AFAP1: variants seen among roughly 807,000 people sequenced by gnomAD.
The protein encoded by AFAP1 is actin filament associated protein 1, also known as actin filament-associated protein 1.
In AFAP1, 75 loss-of-function variants were observed where a neutral mutation model predicts 93.9. The observed-to-expected ratio is 0.80, with a 90% CI of 0.66 to 0.97. The LOEUF is 0.97. Among genes scored for constraint, AFAP1 ranks in the 50% least tolerant of loss-of-function variants. AFAP1 has a pLI of 0.00. For missense variants in AFAP1, 1,201 were observed against 1,050.8 expected, an observed-to-expected ratio of 1.14 and a Z score of -1.98; for synonymous variants, 517 against 430.7, an observed-to-expected ratio of 1.20 and a Z score of -2.48.
rs1309016444 is a variant in AFAP1, at chr4:7,793,619, C to G, written c.1412+62G>C. ...ATCCTCACACAAAAACTAAGTTAAGCTAAGTTAGGGAAAAGACAGTTACTG... is the reference window on the plus strand; with the variant it reads ...ATCCTCACACAAAAACTAAGTTAAGGTAAGTTAGGGAAAAGACAGTTACTG... On this transcript the variant is annotated intron_variant, in intron 11 of 17. Coordinates refer to ENST00000420658, the MANE Select transcript of AFAP1 (RefSeq NM_001134647.2). 135 of 1,397,604 alleles carry G rather than the reference C, an allele frequency of 9.7e-5. No homozygotes were observed. In the East Asian group the frequency reaches 3.3e-3, roughly 35 times the overall value. 86.6% of individuals were successfully genotyped at this position (1,397,604 alleles called of 1,614,324 possible).
At chr4:7,795,979 G>C (rs764346676) in intron 10 of AFAP1, among the ~76,000 whole-genome samples, 4 of 152,068 alleles carry the variant, frequency 2.6e-5, no homozygotes, top group Admixed American at 6.5e-5. Flanking sequence ...AGACGTGTGT[G>C]GGTGCATATA....
At chr4:7,775,604 A>G (rs2148969209) in intron 14 of AFAP1, 1 of 152,260 alleles carries the variant, frequency 6.6e-6, no homozygotes, top group South Asian at 2.1e-4. Flanking sequence ...AGTGTGGCAC[A>G]ATAAATGCTT....
chr4:7,893,284 A>C (rs1467632344), intron 1 of AFAP1, among the ~76,000 whole-genome samples: 1 of 152,212 alleles, frequency 6.6e-6, no homozygotes, highest in Non-Finnish European at 1.5e-5. Flanking sequence ...TTTTAACGTA[A>C]AAAAGCTAAG....
chr4:7,826,159 T>G (rs998787683), intron 6 of AFAP1, among the ~76,000 whole-genome samples: 2 of 152,244 alleles, frequency 1.3e-5, no homozygotes, highest in Non-Finnish European at 2.9e-5. Flanking sequence ...GTTCTCACTG[T>G]GTGGGCTGGC....
rs535152611 is a variant in AFAP1 at position 7,909,801 on chromosome 4, C to G, written c.-3+29855G>C. Among the ~76,000 whole-genome samples the G allele has an allele frequency of 6.6e-5, 10 of 152,276 alleles. No homozygotes were observed. The South Asian group carries it at 1.2e-3, about 19-fold the overall frequency. On this transcript the variant is annotated intron_variant, in intron 1 of 17. Coordinates refer to ENST00000420658, the MANE Select transcript of AFAP1 (RefSeq NM_001134647.2). Reference sequence around the variant, plus strand: ...TGCCCAGGCTCCATTCCTGCAGATTCTATTTCAACTGGTCTGGAGTCAGCA... The same window carrying G: ...TGCCCAGGCTCCATTCCTGCAGATTGTATTTCAACTGGTCTGGAGTCAGCA...
chr4:7,802,243 G>A (rs1719115099), intron 9 of AFAP1, among the ~76,000 whole-genome samples: 1 of 149,732 alleles, frequency 6.7e-6, no homozygotes, highest in Non-Finnish European at 1.5e-5. Context: ...CTGGGGTGTG[G>A]GCTGATGTTG....
chr4:7,807,689 AC>A, intron 9 of AFAP1, among the ~76,000 whole-genome samples: 1 of 152,194 alleles, frequency 6.6e-6, no homozygotes. Flanking sequence ...TCCTTCAACC[AC>A]ATGACGCCTT....
rs115714415 is a variant in AFAP1 at position 7,784,734 on chromosome 4, C to G, written c.1530+1460G>C. Reference sequence around the variant, plus strand: ...CGTGGCTCCTGAGGGATGGGCCACCCACTTCCGACCCCGGCCACTAGAACC... The same window carrying G: ...CGTGGCTCCTGAGGGATGGGCCACCGACTTCCGACCCCGGCCACTAGAACC... On this transcript the variant is annotated intron_variant, in intron 12 of 17. Coordinates refer to ENST00000420658, the MANE Select transcript of AFAP1 (RefSeq NM_001134647.2). 1.1e-3 allele frequency among the ~76,000 whole-genome samples: 162 copies of G among 152,246 alleles called. 3 individuals carry two copies. The highest frequency in any genetic ancestry group is 3.7e-3 in the African/African-American group (154 of 41,550).
In AFAP1 at chr4:7,887,930, G is replaced by A. The variant is rs79470266; in HGVS notation, c.-2-15850C>T. Among the ~76,000 whole-genome samples the A allele has an allele frequency of 5.3e-5, 8 of 151,962 alleles. No homozygotes were observed. In the South Asian group the frequency reaches 1.0e-3, roughly 20 times the overall value. On this transcript the variant is annotated intron_variant, in intron 1 of 17. Coordinates refer to ENST00000420658, the MANE Select transcript of AFAP1 (RefSeq NM_001134647.2). ...TAACCTCTGTCTCACAGGTTCAAGC[G>A]ATACTCCTGCCTCAGCCTCCCAAGT...
At position 7,875,650 on chromosome 4, in the gene AFAP1, G is replaced by A. The variant is rs115788307; in HGVS notation, c.-2-3570C>T. ...AAAAAATGGAGGTGGGGGGCGGGACGGGGGGCTGATAGCATTATTCAGAAT... is the reference window on the plus strand; with the variant it reads ...AAAAAATGGAGGTGGGGGGCGGGACAGGGGGCTGATAGCATTATTCAGAAT... On this transcript the variant is annotated intron_variant, in intron 1 of 17. Transcript: ENST00000420658. Among the ~76,000 whole-genome samples the A allele has an allele frequency of 5.6e-3, 844 of 151,372 alleles. 5 individuals carry two copies. The highest frequency in any genetic ancestry group is 0.014 in the Middle Eastern group (4 of 290).
At chr4:7,875,128 G>T (rs1242682424) in intron 1 of AFAP1, among the ~76,000 whole-genome samples, 2 of 152,154 alleles carry the variant, frequency 1.3e-5, no homozygotes, top group East Asian at 3.9e-4. Context: ...AAAGCATAAT[G>T]AAAATGATTC....
At chr4:7,796,027 G>A (rs1718386571) in intron 10 of AFAP1, among the ~76,000 whole-genome samples, 1 of 152,090 alleles carries the variant, frequency 6.6e-6, no homozygotes, top group Non-Finnish European at 1.5e-5. Flanking sequence ...ACACTTGTAA[G>A]TATCTGTCAT....
rs558378456 is a variant in AFAP1, at chr4:7,838,102, C to T, written c.726+422G>A. ...TCTAACATATATTTAAATGTAGTCT[C>T]AGGGAAGAAGGAGAAATGGGGAAAA... is the stretch of plus-strand genomic sequence containing the variant. On this transcript the variant is annotated intron_variant, in intron 6 of 17. Transcript: ENST00000420658. Among the ~76,000 whole-genome samples, 55 of 152,192 alleles carry T rather than the reference C, an allele frequency of 3.6e-4. No individual in the cohort carries two copies. In the South Asian group the frequency reaches 0.01, roughly 29 times the overall value.
intron 1 of AFAP1, among the ~76,000 whole-genome samples, chr4:7,907,807 T>C (rs1373550925): frequency 6.6e-6 from 1 of 151,846 alleles, no homozygotes; most frequent in Non-Finnish European, 1.5e-5. Context: ...ATCTGCATTG[T>C]TTTTTTTCCT....
chr4:7,800,804 T>C, intron 9 of AFAP1, 151 bp from the exon 10 acceptor site: 1 of 792,398 alleles, frequency 1.3e-6, no homozygotes, highest in South Asian at 1.7e-5. Context: ...CAAATTCGCA[T>C]AAACTAGGAG....
intron 5 of AFAP1, among the ~76,000 whole-genome samples, chr4:7,840,280 G>GTGTGTGTGTGTA (rs1560191643): frequency 2.3e-5 from 3 of 130,574 alleles, no homozygotes; most frequent in South Asian, 4.6e-4. Flanking sequence ...GTGTGTGTGT[G>GTGTGTGTGTGTA]TGTGTGTTCC....
intron 1 of AFAP1, among the ~76,000 whole-genome samples, chr4:7,933,040 AG>A (rs11412950): frequency 0.016 from 1,911 of 118,790 alleles, 84 homozygotes; most frequent in African/African-American, 0.056. Flanking sequence ...AAAAAAAAAA[AG>A]GGGGGGGATC....
intron 9 of AFAP1, among the ~76,000 whole-genome samples, chr4:7,801,726 A>G (rs1416437828): frequency 6.6e-6 from 1 of 150,968 alleles, no homozygotes; most frequent in Non-Finnish European, 1.5e-5. Flanking sequence ...CCCTGCCTCA[A>G]AAATGTCACA....
In AFAP1 at chr4:7,917,542, C is replaced by T. The variant is rs373393588; in HGVS notation, c.-3+22114G>A. On this transcript the variant is annotated intron_variant, in intron 1 of 17. Transcript: ENST00000420658. ...TAAAGTTTTTGAAAGGAATTTATTGCAATTTTTCTGGAGAAACAAGCAGAT... is the reference window on the plus strand; with the variant it reads ...TAAAGTTTTTGAAAGGAATTTATTGTAATTTTTCTGGAGAAACAAGCAGAT... Among the ~76,000 whole-genome samples the T allele has an allele frequency of 7.2e-5, 11 of 152,062 alleles. No homozygotes were observed. The East Asian group carries it at 1.7e-3, about 24-fold the overall frequency.
Sources: allele counts gnomAD v4.1 joint callset (sites outside exome capture counted in the v4.1 genomes callset), GRCh38; gene constraint gnomAD v4.1.1; transcripts MANE v1.5; gene names NCBI Gene and HGNC (gene_info 2026-07-23, HGNC 2026-07-21).